The following PPP4R1 variants were observed in gnomAD, a reference collection of about 807,000 sequenced individuals.
PPP4R1 encodes the protein protein phosphatase 4 regulatory subunit 1, also known as serine/threonine-protein phosphatase 4 regulatory subunit 1.
A neutral mutation model predicts 111.2 loss-of-function variants in PPP4R1; 42 were observed. The ratio of observed to expected loss-of-function variants is 0.38; its 90% CI spans 0.29 to 0.49. The LOEUF (loss-of-function observed/expected upper bound fraction) is 0.49. Among genes scored for constraint, PPP4R1 ranks in the 20% least tolerant of loss-of-function variants. The pLI, the probability that PPP4R1 is intolerant of heterozygous loss-of-function variation, is 0.97. For synonymous variants in PPP4R1, 409 were observed against 405.5 expected (o/e 1.01, Z -0.10); for missense variants, 1,012 against 1,161.6 (o/e 0.87, Z 1.87).
At chr18:9,596,808 T>C (rs2067297523) in intron 2 of PPP4R1, among the ~76,000 whole-genome samples, 1 of 152,170 alleles carries the variant, frequency 6.6e-6, no homozygotes, top group South Asian at 2.1e-4. Context: ...GATAACATTT[T>C]TACTCCCAAC....
chr18:9,554,199 C>G (rs1381134537), intron 15 of PPP4R1, among the ~76,000 whole-genome samples: 1 of 150,528 alleles, frequency 6.6e-6, no homozygotes, highest in Non-Finnish European at 1.5e-5. Flanking sequence ...GGGATCTCGG[C>G]TCACTGCAAC....
At chr18:9,580,439 TC>T (rs1439251204) in intron 9 of PPP4R1, among the ~76,000 whole-genome samples, 1 of 151,166 alleles carries the variant, frequency 6.6e-6, no homozygotes, top group Non-Finnish European at 1.5e-5. Context: ...AAGCTCCGCC[TC>T]CCAGGTTCAC....
chr18:9,548,905 G>A (rs745830181), intron 19 of PPP4R1, among the ~76,000 whole-genome samples: 10 of 152,350 alleles, frequency 6.6e-5, no homozygotes, highest in Non-Finnish European at 1.2e-4. Flanking sequence ...GTGACAGGGC[G>A]AGACTCCGTC....
chr18:9,583,263 A>G lies in PPP4R1; in HGVS notation c.772T>C (p.Phe258Leu). Residue 258 changes from phenylalanine (F) to leucine (L), a missense_variant, in exon 9 of 20, where the codon TTC (phenylalanine) becomes CTC (leucine). By Grantham distance (22) the Phe-to-Leu change is conservative. Coordinates refer to ENST00000400556, the MANE Select transcript of PPP4R1 (RefSeq NM_001042388.3). Reference sequence around the variant, plus strand: ...CATACATTATCAGAACAAAGCTGGAAAAATCTGGGCAGCTATGTGAAAAGG... The same window carrying G: ...CATACATTATCAGAACAAAGCTGGAGAAATCTGGGCAGCTATGTGAAAAGG... ...ATEEMLLPRF[F>L]QLCSDNVWGV... 1.3e-6 allele frequency: 2 copies of G among 1,573,364 alleles called. No individual in the cohort carries two copies. The highest frequency in any genetic ancestry group is 1.7e-6 in the Non-Finnish European group (2 of 1,154,662).
intron 2 of PPP4R1, among the ~76,000 whole-genome samples, chr18:9,599,226 T>C (rs913160115): frequency 1.3e-5 from 2 of 152,184 alleles, no homozygotes; most frequent in Non-Finnish European, 2.9e-5. Context: ...GGGTAAAGTA[T>C]ACTGTTATAA....
At chr18:9,563,606 C>A (rs757533975) in intron 11 of PPP4R1, 56 bp from the exon 12 acceptor site, 2 of 1,430,562 alleles carry the variant, frequency 1.4e-6, no homozygotes, top group Non-Finnish European at 9.5e-7. Flanking sequence ...AATATTCTTA[C>A]AAGGCTGTTC....
chr18:9,550,316 C>T lies in PPP4R1; in HGVS notation c.2374G>A (p.Asp792Asn). 2 of 1,614,102 alleles carry T rather than the reference C, an allele frequency of 1.2e-6. No homozygotes were observed. Among genetic ancestry groups the T allele is most frequent in the Non-Finnish European group, 1.7e-6 (2 of 1,179,976 alleles). The change falls in exon 17 of 20, where the codon GAC becomes AAC. Residue 792 changes from aspartate (D) to asparagine (N), a missense_variant. This residue lies in a region of PPP4R1 where 305 missense variants were observed against 419.5 expected (regional missense o/e 0.73). Coordinates refer to ENST00000400556, the MANE Select transcript of PPP4R1 (RefSeq NM_001042388.3). ...ATCCAACGAACAGAAGAAACTTTGT[C>T]TGCACACAGATTCAGAGCAATGGGA... is the stretch of plus-strand genomic sequence containing the variant. Reference protein sequence around the residue: ...LRPIALNLCADKVSSVRWISY... With the variant: ...LRPIALNLCANKVSSVRWISY...
chr18:9,557,785 T>C (rs2066611755), intron 14 of PPP4R1, among the ~76,000 whole-genome samples: 1 of 151,138 alleles, frequency 6.6e-6, no homozygotes, highest in Admixed American at 6.6e-5. Context: ...GGCTTTGTTA[T>C]TACTCCTAAG....
At chr18:9,579,291 C>T (rs1297782077) in intron 9 of PPP4R1, among the ~76,000 whole-genome samples, 2 of 151,990 alleles carry the variant, frequency 1.3e-5, no homozygotes, top group Non-Finnish European at 2.9e-5. Context: ...AAGAAATAAA[C>T]AACTAATGAC....
At position 9,577,188 on chromosome 18, in the gene PPP4R1, G is replaced by A. The variant is rs1395387390; in HGVS notation, c.922C>T (p.Arg308Cys). 1.9e-6 allele frequency: 3 copies of A among 1,602,334 alleles called. No individual in the cohort carries two copies. Among genetic ancestry groups the A allele is most frequent in the Non-Finnish European group, 2.6e-6 (3 of 1,176,190 alleles). Reference protein sequence around the residue: ...NLISDPSRWVRQAAFQSLGPF... With the variant: ...NLISDPSRWVCQAAFQSLGPF... The stretch of plus-strand genomic sequence containing the variant: ...CCCAGAGACTGAAAAGCTGCTTGGC[G>A]AACCTAGGAAGATAAAAAGGACAAT... The change falls in exon 10 of 20, where the codon CGC becomes TGC. Residue 308 changes from arginine to cysteine, a missense_variant. By Grantham distance (180) the Arg-to-Cys change is radical. This residue lies in a region of PPP4R1 where 707 missense variants were observed against 742.1 expected (regional missense o/e 0.95). Transcript: ENST00000400556.
Position 9,583,289 on chromosome 18 carries a change from A to G in PPP4R1, c.760-14T>C, listed in dbSNP as rs752081686. ...AAATCTGGGCAGCTATGTGAAAAGGAAAGAGTCTTGTTAGTTGGATAAAGA... is the reference window on the plus strand; with the variant it reads ...AAATCTGGGCAGCTATGTGAAAAGGGAAGAGTCTTGTTAGTTGGATAAAGA... On this transcript the variant is annotated splice_polypyrimidine_tract_variant and intron_variant, in intron 8 of 19. Transcript: ENST00000400556. 45 of 1,534,630 alleles carry G rather than the reference A, an allele frequency of 2.9e-5. No homozygotes were observed. Among genetic ancestry groups the G allele is most frequent in the Non-Finnish European group, 3.9e-5 (44 of 1,130,694 alleles).
At chr18:9,593,651 A>C (rs1286730925) in intron 4 of PPP4R1, 117 bp downstream of exon 4, 1 of 900,334 alleles carries the variant, frequency 1.1e-6, no homozygotes, top group African/African-American at 1.7e-5. Flanking sequence ...ATAATTACTT[A>C]GGAAATATTT....
Position 9,614,336 on chromosome 18 carries a change from C to A in PPP4R1, c.8-66G>T, listed in dbSNP as rs1415007378. The A allele has an allele frequency of 7.3e-6, 8 of 1,091,558 alleles. 1 individual carries two copies. Among genetic ancestry groups the A allele is most frequent in the East Asian group, 1.1e-4 (2 of 18,226 alleles). 67.6% of individuals were successfully genotyped at this position (1,091,558 alleles called of 1,614,324 possible). A position where few individuals can be genotyped will look rare whatever the true frequency, so the allele number is the denominator to read the frequency against. On this transcript the variant is annotated intron_variant, in intron 1 of 19. Transcript: ENST00000400556. The surrounding 1 kb of genome is among the most constrained non-coding windows in gnomAD (Gnocchi z 4.1). The stretch of plus-strand genomic sequence containing the variant: ...GGGGCCCGGCGCGACGCCCCCCCCC[C>A]GCCCGCCTCCCCCCCGCCCCGGGGG...
intron 12 of PPP4R1, among the ~76,000 whole-genome samples, chr18:9,562,312 A>G (rs2066691737): frequency 6.6e-6 from 1 of 152,236 alleles, no homozygotes; most frequent in Non-Finnish European, 1.5e-5. Context: ...ATTAAAAACA[A>G]TATTTGAAAG....
At chr18:9,555,486 A>G (rs2066558061) in intron 15 of PPP4R1, among the ~76,000 whole-genome samples, 1 of 152,190 alleles carries the variant, frequency 6.6e-6, no homozygotes, top group African/African-American at 2.4e-5. Context: ...CACCTCACCA[A>G]TTCTCTATTA....
In PPP4R1 at chr18:9,570,689, ATTGTT is replaced by A. The variant is rs1568100471; in HGVS notation, c.1047-11_1047-7del. 2 of 1,522,440 alleles carry A rather than the reference ATTGTT, an allele frequency of 1.3e-6. No homozygotes were observed. Among genetic ancestry groups the A allele is most frequent in the Non-Finnish European group, 1.8e-6 (2 of 1,139,750 alleles). The allele number at this position is 1,522,440 out of a possible 1,614,324, so 94.3% of individuals were successfully genotyped here. A position where few individuals can be genotyped will look rare whatever the true frequency, so the allele number is the denominator to read the frequency against. ...GGGCTTCTTGATCTCTGGTCCTTTT[ATTGTT>A]TTATTTGGTGGGAAAAAAACAATAT... On this transcript the variant is annotated splice_polypyrimidine_tract_variant and splice_region_variant and intron_variant, in intron 10 of 19. Coordinates refer to ENST00000400556, the MANE Select transcript of PPP4R1 (RefSeq NM_001042388.3).
At chr18:9,616,364 G>A (rs2067688410), upstream of PPP4R1, among the ~76,000 whole-genome samples, 1 of 151,556 alleles carries the variant, frequency 6.6e-6, no homozygotes. Flanking sequence ...TCGAACTCCT[G>A]GCCTCAAGAG....
At position 9,570,576 on chromosome 18, in the gene PPP4R1, T is replaced by G. The variant is rs1477562043; in HGVS notation, c.1154A>C (p.Asp385Ala). ...CTTCCCGGATGCCTCAGCAGCATGG[T>G]CTTCCATCGTGTTTTCCAGTATGAC... ...SSVILENTME[D>A]HAAEASGKPL... The change falls in exon 11 of 20, where the codon GAC becomes GCC. Residue 385 changes from aspartate to alanine, a missense_variant. This residue lies in a region of PPP4R1 where 707 missense variants were observed against 742.1 expected (regional missense o/e 0.95). Coordinates refer to ENST00000400556, the MANE Select transcript of PPP4R1 (RefSeq NM_001042388.3). 6.2e-7 allele frequency: 1 copy of G among 1,614,206 alleles called. No individual in the cohort carries two copies.
chr18:9,557,004 GATACAA>G (rs2066598689), intron 15 of PPP4R1: 1 of 380,818 alleles, frequency 2.6e-6, no homozygotes, highest in Admixed American at 4.6e-5. Context: ...AAAAGAAAAA[GATACAA>G]ATGTCTGTAA....
Sources: gnomAD v4.1 joint callset for allele counts (sites outside exome capture counted in the v4.1 genomes callset) on GRCh38, gnomAD v4.1.1 for gene constraint, gnomAD v4.1.1 regional missense constraint, Gnocchi (gnomAD v3.1) non-coding constraint, MANE v1.5 for transcripts, NCBI Gene and HGNC (gene_info 2026-07-23, HGNC 2026-07-21) for gene names.